The following MEGF9 variants were observed in gnomAD, a reference collection of about 807,000 sequenced individuals.
The protein encoded by MEGF9 is multiple epidermal growth factor-like domains protein 9.
A neutral mutation model predicts 46.8 loss-of-function variants in MEGF9; 6 were observed. That is an observed-to-expected ratio of 0.13 (90% CI 0.07 to 0.25). The LOEUF (loss-of-function observed/expected upper bound fraction) is 0.25. Among genes scored for constraint, MEGF9 ranks in the 10% least tolerant of loss-of-function variants. MEGF9 has a pLI of 1.00. For missense variants in MEGF9, 683 were observed against 792.4 expected (o/e 0.86, Z 1.66); for synonymous variants, 302 against 330.7 (o/e 0.91, Z 0.94).
intron 1 of MEGF9, among the ~76,000 whole-genome samples, chr9:120,666,497 A>G (rs951656194): frequency 2.0e-5 from 3 of 152,232 alleles, no homozygotes; most frequent in Non-Finnish European, 2.9e-5. Flanking sequence ...AAAAAAACTG[A>G]CAATACTAAT....
chr9:120,656,921 A>G (rs1489171498), intron 2 of MEGF9, among the ~76,000 whole-genome samples: 1 of 152,220 alleles, frequency 6.6e-6, no homozygotes, highest in African/African-American at 2.4e-5. Context: ...GTCTCAAAAT[A>G]AAATAAAATA....
chr9:120,714,327 C>G lies in MEGF9; in HGVS notation c.32G>C (p.Ser11Thr), dbSNP rs796605072. MNGGAERAMR[S>T]LPSLGGLALL... is the part of the protein sequence containing the mutation. ...GGCGAGGCCGCCCAGGCTCGGCAGG[C>G]TCCTCATGGCGCGCTCGGCTCCGCC... is the stretch of plus-strand genomic sequence containing the variant. The change falls in exon 1 of 6, where the codon AGC becomes ACC. Residue 11 changes from serine to threonine, a missense_variant. Transcript: ENST00000373930. 24 of 1,346,280 alleles carry G rather than the reference C, an allele frequency of 1.8e-5. No individual in the cohort carries two copies. Among genetic ancestry groups the G allele is most frequent in the Non-Finnish European group, 2.3e-5 (24 of 1,047,322 alleles). The allele number at this position is 1,346,280 out of a possible 1,614,324, so 83.4% of individuals were successfully genotyped here. A position where few individuals can be genotyped will look rare whatever the true frequency, so the allele number is the denominator to read the frequency against.
At chr9:120,681,983 A>G (rs1198653584) in intron 1 of MEGF9, among the ~76,000 whole-genome samples, 2 of 152,210 alleles carry the variant, frequency 1.3e-5, no homozygotes, top group African/African-American at 4.8e-5. Flanking sequence ...AATTAGAGTA[A>G]TGAACCTTAC....
chr9:120,684,317 T>C (rs2043811848), intron 1 of MEGF9, among the ~76,000 whole-genome samples: 1 of 152,246 alleles, frequency 6.6e-6, no homozygotes, highest in African/African-American at 2.4e-5. Context: ...GTCGAAAATA[T>C]ACCTGTCTGC....
chr9:120,698,521 T>C (rs914655977), intron 1 of MEGF9, among the ~76,000 whole-genome samples: 4 of 152,118 alleles, frequency 2.6e-5, no homozygotes, highest in African/African-American at 7.2e-5. Context: ...TATTAGAGAG[T>C]TGATCTGTGA....
At chr9:120,692,650 T>C (rs916214814) in intron 1 of MEGF9, among the ~76,000 whole-genome samples, 5 of 152,126 alleles carry the variant, frequency 3.3e-5, no homozygotes, top group Non-Finnish European at 7.4e-5. Flanking sequence ...CACAAATCTC[T>C]TCATTCCCTG....
chr9:120,607,932 C>A lies in MEGF9; in HGVS notation c.1166G>T (p.Gly389Val). 6.2e-7 allele frequency: 1 copy of A among 1,613,944 alleles called. No homozygotes were observed. Among genetic ancestry groups the A allele is most frequent in the Non-Finnish European group, 8.5e-7 (1 of 1,179,870 alleles). Reference sequence around the variant, plus strand: ...ACAGATGCTGTCAAAATTGTAATAGCCATTTTCACATTTATTGCAGTTCGG... The same window carrying A: ...ACAGATGCTGTCAAAATTGTAATAGACATTTTCACATTTATTGCAGTTCGG... ...IGPNCNKCEN[G>V]YYNFDSICRK... The change falls in exon 5 of 6, where the codon GGC becomes GTC. Residue 389 changes from glycine to valine, a missense_variant. Physicochemically the swap from Gly to Val is moderately radical, Grantham distance 109. This residue lies in a region of MEGF9 where 313 missense variants were observed against 421.1 expected (regional missense o/e 0.74). Transcript: ENST00000373930.
At chr9:120,632,863 C>T (rs1184718752) in intron 2 of MEGF9, among the ~76,000 whole-genome samples, 2 of 152,132 alleles carry the variant, frequency 1.3e-5, no homozygotes, top group African/African-American at 4.8e-5. Flanking sequence ...TGGTTACTGT[C>T]CTTCATTCTG....
chr9:120,678,268 T>C (rs1241905571), intron 1 of MEGF9, among the ~76,000 whole-genome samples: 2 of 152,224 alleles, frequency 1.3e-5, no homozygotes, highest in East Asian at 1.9e-4. Context: ...AATGCAAATA[T>C]TCCTCGATAT....
At chr9:120,638,624 T>A (rs1214666371) in intron 2 of MEGF9, among the ~76,000 whole-genome samples, 1 of 152,228 alleles carries the variant, frequency 6.6e-6, no homozygotes, top group Non-Finnish European at 1.5e-5. Context: ...AGCAACGGAA[T>A]AATGGTCTCA....
chr9:120,604,624 T>C lies in MEGF9; in HGVS notation c.*566A>G, dbSNP rs769117523. On this transcript the variant is annotated 3_prime_UTR_variant, in exon 6 of 6. Transcript: ENST00000373930. Reference sequence around the variant, plus strand: ...TCAACTCATCACTGAGCAAGAATCCTGGGAGGAAAAAACCAAGCCCTTCTG... The same window carrying C: ...TCAACTCATCACTGAGCAAGAATCCCGGGAGGAAAAAACCAAGCCCTTCTG... The C allele has an allele frequency of 6.4e-6, 1 of 155,340 alleles. No homozygotes were observed. The highest frequency in any genetic ancestry group is 1.4e-5 in the Non-Finnish European group (1 of 69,706). 9.6% of individuals were successfully genotyped at this position (155,340 alleles called of 1,614,324 possible). A position where few individuals can be genotyped will look rare whatever the true frequency, so the allele number is the denominator to read the frequency against.
chr9:120,618,944 C>T (rs10739570), intron 3 of MEGF9, among the ~76,000 whole-genome samples: 90,138 of 151,854 alleles, frequency 0.59, 29,243 homozygotes, highest in South Asian at 0.75. Context: ...AATCTTTCCT[C>T]ATTTACAGGG....
intron 1 of MEGF9, among the ~76,000 whole-genome samples, chr9:120,706,566 G>C (rs1375911973): frequency 1.3e-5 from 2 of 152,248 alleles, no homozygotes; most frequent in Non-Finnish European, 2.9e-5. Flanking sequence ...TGGGCACGGT[G>C]TCTCACACCT....
At chr9:120,626,115 T>G (rs1981021) in intron 2 of MEGF9, among the ~76,000 whole-genome samples, 90,578 of 152,028 alleles carry the variant, frequency 0.6, 29,380 homozygotes, top group South Asian at 0.75. Context: ...AATAAATGTG[T>G]AGAACTGGAT....
chr9:120,672,469 T>A (rs558947987), intron 1 of MEGF9, among the ~76,000 whole-genome samples: 2 of 127,538 alleles, frequency 1.6e-5, no homozygotes, highest in Admixed American at 8.2e-5. Context: ...AATAAATAAA[T>A]AAAAAGCCAG....
At chr9:120,660,175 T>C (rs1357133440) in intron 1 of MEGF9, among the ~76,000 whole-genome samples, 1 of 152,176 alleles carries the variant, frequency 6.6e-6, no homozygotes, top group South Asian at 2.1e-4. Context: ...AACATTTCTT[T>C]TAAGTATATT....
intron 1 of MEGF9, among the ~76,000 whole-genome samples, chr9:120,683,958 C>G (rs929032930): frequency 1.3e-5 from 2 of 151,780 alleles, no homozygotes; most frequent in South Asian, 4.1e-4. Context: ...AAAATAAAAT[C>G]CAGGTATAAA....
intron 1 of MEGF9, among the ~76,000 whole-genome samples, chr9:120,679,463 G>C (rs191473396): frequency 7.0e-6 from 1 of 142,100 alleles, no homozygotes; most frequent in East Asian, 2.2e-4. Context: ...ATCACACACC[G>C]GGGCCTGTTG....
At chr9:120,669,790 T>G (rs1472401060) in intron 1 of MEGF9, among the ~76,000 whole-genome samples, 1 of 152,162 alleles carries the variant, frequency 6.6e-6, no homozygotes, top group Non-Finnish European at 1.5e-5. Context: ...ATATTTACTG[T>G]TTTATCTCCC....
Sources: gnomAD v4.1 joint callset for allele counts (sites outside exome capture counted in the v4.1 genomes callset) on GRCh38, gnomAD v4.1.1 for gene constraint, gnomAD v4.1.1 regional missense constraint, MANE v1.5 for transcripts, NCBI Gene and HGNC (gene_info 2026-07-23, HGNC 2026-07-21) for gene names.